Variants in RNASEK observed in about 807,000 individuals in gnomAD.
RNASEK encodes the protein ribonuclease kappa.
A neutral mutation model predicts 11.2 loss-of-function variants in RNASEK; 7 were observed. That is an observed-to-expected ratio of 0.62 (90% CI 0.35 to 1.17). RNASEK has a LOEUF of 1.17. Among genes scored for constraint, RNASEK ranks in the 50% most tolerant of loss-of-function variants. The probability of loss-of-function intolerance (pLI) is 0.02; values close to 1 mark genes in which losing one functional copy is unlikely to be tolerated. For synonymous variants in RNASEK, 46 were observed against 49.5 expected, an observed-to-expected ratio of 0.93 and a Z score of 0.30; for missense variants, 101 against 126.7, an observed-to-expected ratio of 0.80 and a Z score of 0.97.
At chr17:7,013,484 G>C in intron 1 of RNASEK, 182 bp from the exon 2 acceptor site, 1 of 1,555,758 alleles carries the variant, frequency 6.4e-7, no homozygotes, top group Non-Finnish European at 8.7e-7. Flanking sequence ...TCGACCACTT[G>C]TCTCAATGTC....
intron 1 of RNASEK, 115 bp from the exon 2 acceptor site, chr17:7,013,551 T>C: frequency 6.2e-7 from 1 of 1,608,684 alleles, no homozygotes; most frequent in Non-Finnish European, 8.5e-7. Flanking sequence ...CACCACCTCG[T>C]TTTGGTTAAT....
rs1909638733 is a variant in RNASEK, at chr17:7,014,138, C to A, written c.156-7C>A. The A allele has an allele frequency of 1.9e-6, 3 of 1,552,844 alleles. No homozygotes were observed. Among genetic ancestry groups the A allele is most frequent in the Non-Finnish European group, 2.6e-6 (3 of 1,147,536 alleles). On this transcript the variant is annotated splice_polypyrimidine_tract_variant and splice_region_variant and intron_variant, in intron 2 of 2. Transcript: ENST00000593646. The surrounding 1 kb of genome is among the most constrained non-coding windows in gnomAD (Gnocchi z 4.5). The stretch of plus-strand genomic sequence containing the variant: ...GTTTGACCCCTTTGCTTCATTCCCA[C>A]CCCCAGGAATGGCCCCCAGAACATA...
intron 1 of RNASEK, chr17:7,013,273 G>C: frequency 7.3e-7 from 1 of 1,379,120 alleles, no homozygotes; most frequent in Non-Finnish European, 9.7e-7. Context: ...GGGAGGAAAA[G>C]AGAGTGCTTG....
chr17:7,013,168 TG>T, intron 1 of RNASEK: 1 of 541,304 alleles, frequency 1.8e-6, no homozygotes, highest in South Asian at 2.3e-5. Context: ...GGCCCTGGAG[TG>T]GGAGGAGCCA....
At chr17:7,013,476 G>A (rs1308423669) in intron 1 of RNASEK, 190 bp from the exon 2 acceptor site, 1 of 1,548,808 alleles carries the variant, frequency 6.5e-7, no homozygotes, top group South Asian at 1.2e-5. Flanking sequence ...CCCTTGCCTC[G>A]ACCACTTGTC....
rs977357508 is a variant in RNASEK, at chr17:7,013,331, C to T, written c.79-335C>T. On this transcript the variant is annotated intron_variant, in intron 1 of 2. Coordinates refer to ENST00000593646, the MANE Select transcript of RNASEK (RefSeq NM_001004333.5). ...CTTGTTTTCCCAGTAATCCACCCAC[C>T]GCCACTTCAAGAAGAAATGATATGA... 1.1e-5 allele frequency: 17 copies of T among 1,521,084 alleles called. No homozygotes were observed. The Admixed American group carries it at 1.2e-4, about 11-fold the overall frequency. The allele number at this position is 1,521,084 out of a possible 1,614,324, so 94.2% of individuals were successfully genotyped here.
intron 1 of RNASEK, chr17:7,013,375 T>TCCCC: frequency 6.5e-7 from 1 of 1,533,928 alleles, no homozygotes; most frequent in Non-Finnish European, 8.7e-7. Flanking sequence ...CGGTTCTCCC[T>TCCCC]CCCCTCTTCC....
intron 1 of RNASEK, chr17:7,013,323 C>T (rs1909557915): frequency 2.6e-6 from 4 of 1,516,028 alleles, no homozygotes; most frequent in Non-Finnish European, 3.5e-6. Context: ...TCCCAGTAAT[C>T]CACCCACCGC....
Position 7,012,738 on chromosome 17 carries a change from A to G in RNASEK, c.55A>G (p.Ser19Gly), listed in dbSNP as rs755632158. ...PKLAACGIVLSAWGVIMLIML... is the reference protein window; with the variant it reads ...PKLAACGIVLGAWGVIMLIML... Reference sequence around the variant, plus strand: ...GCTGGCCGCCTGCGGCATCGTCCTCAGCGCCTGGGGAGTGATCATGTTGGT... The same window carrying G: ...GCTGGCCGCCTGCGGCATCGTCCTCGGCGCCTGGGGAGTGATCATGTTGGT... Residue 19 changes from serine (S) to glycine (G), a missense_variant, in exon 1 of 3, where the codon AGC becomes GGC. Transcript: ENST00000593646. The G allele has an allele frequency of 3.7e-6, 6 of 1,613,106 alleles. No homozygotes were observed. Among genetic ancestry groups the G allele is most frequent in the South Asian group, 2.2e-5 (2 of 91,090 alleles).
In RNASEK at chr17:7,012,645, A is replaced by G. The variant is rs771380776; in HGVS notation, c.-39A>G. 6.2e-7 allele frequency: 1 copy of G among 1,609,624 alleles called. No homozygotes were observed. The highest frequency in any genetic ancestry group is 8.5e-7 in the Non-Finnish European group (1 of 1,179,476). ...CTGGGCTTTCTCCCACCGCTTTCCG[A>G]GCCCGCTTGCACCTCGGCGATCCCC... is the stretch of plus-strand genomic sequence containing the variant. On this transcript the variant is annotated 5_prime_UTR_variant, in exon 1 of 3. Coordinates refer to ENST00000593646, the MANE Select transcript of RNASEK (RefSeq NM_001004333.5).
chr17:7,014,390 TG>T lies in RNASEK; in HGVS notation c.*107del, dbSNP rs1289889234. 1.6e-6 allele frequency: 2 copies of T among 1,223,312 alleles called. No homozygotes were observed. The highest frequency in any genetic ancestry group is 2.3e-6 in the Non-Finnish European group (2 of 866,446). The allele number at this position is 1,223,312 out of a possible 1,614,324, so 75.8% of individuals were successfully genotyped here. A position where few individuals can be genotyped will look rare whatever the true frequency, so the allele number is the denominator to read the frequency against. On this transcript the variant is annotated 3_prime_UTR_variant, in exon 3 of 3. Coordinates refer to ENST00000593646, the MANE Select transcript of RNASEK (RefSeq NM_001004333.5). This position sits in a 1 kb window ranked among gnomAD's most constrained non-coding sequence, Gnocchi z 4.5. ...CCCTTGCCGGCGCCCTCTGCGGGAC[TG>T]GGTTTCCCGGGCGAGAGACTGAATC...
At position 7,013,680 on chromosome 17, in the gene RNASEK, A is replaced by C; in HGVS notation, c.93A>C (p.Ile31=). The C allele has an allele frequency of 6.2e-7, 1 of 1,610,466 alleles. No homozygotes were observed. The highest frequency in any genetic ancestry group is 1.3e-5 in the African/African-American group (1 of 74,664). ...WGVIMLIMLG[I]FFNVHSAVLI... ...CCCTTTTCCAGATAATGCTCGGAAT[A>C]TTTTTCAATGTCCATTCCGCTGTGT... The change falls in exon 2 of 3, where the codon ATA becomes ATC. Residue 31 remains isoleucine, a synonymous_variant. Coordinates refer to ENST00000593646, the MANE Select transcript of RNASEK (RefSeq NM_001004333.5).
At chr17:7,012,950 C>A (rs1909517122) in intron 1 of RNASEK, 189 bp downstream of exon 1, 1 of 596,696 alleles carries the variant, frequency 1.7e-6, no homozygotes, top group Non-Finnish European at 2.9e-6. Context: ...CATGGTGAAA[C>A]CCCGTCTCCA....
Position 7,014,384 on chromosome 17 carries a change from C to T in RNASEK, c.*98C>T, listed in dbSNP as rs7338. On this transcript the variant is annotated 3_prime_UTR_variant, in exon 3 of 3. Coordinates refer to ENST00000593646, the MANE Select transcript of RNASEK (RefSeq NM_001004333.5). The surrounding 1 kb of genome is among the most constrained non-coding windows in gnomAD (Gnocchi z 4.5). ...GTCCCACCCTTGCCGGCGCCCTCTGCGGGACTGGGTTTCCCGGGCGAGAGA... is the reference window on the plus strand; with the variant it reads ...GTCCCACCCTTGCCGGCGCCCTCTGTGGGACTGGGTTTCCCGGGCGAGAGA... 0.84 allele frequency: 1,127,834 copies of T among 1,343,122 alleles called. 477,636 individuals carry two copies. Among genetic ancestry groups the T allele is most frequent in the South Asian group, 0.92 (72,624 of 78,790 alleles). 83.2% of individuals were successfully genotyped at this position (1,343,122 alleles called of 1,614,324 possible).
chr17:7,013,314 C>T (rs1367104972), intron 1 of RNASEK: 5 of 1,509,874 alleles, frequency 3.3e-6, no homozygotes, highest in Non-Finnish European at 4.4e-6. Flanking sequence ...GCCTTGTTTT[C>T]CCAGTAATCC....
intron 1 of RNASEK, 112 bp from the exon 2 acceptor site, chr17:7,013,554 T>C (rs966090330): frequency 1.2e-6 from 2 of 1,609,228 alleles, no homozygotes; most frequent in Non-Finnish European, 1.7e-6. Flanking sequence ...CACCTCGTTT[T>C]GGTTAATCTC....
chr17:7,013,959 T>C, intron 2 of RNASEK, 186 bp from the exon 3 acceptor site: 2 of 705,030 alleles, frequency 2.8e-6, no homozygotes, highest in South Asian at 3.6e-5. Context: ...TTAGGTATTT[T>C]ACTTTTCTGT....
intron 1 of RNASEK, 165 bp from the exon 2 acceptor site, chr17:7,013,501 T>A: frequency 6.4e-7 from 1 of 1,572,284 alleles, no homozygotes; most frequent in Non-Finnish European, 8.6e-7. Flanking sequence ...TGTCACCACC[T>A]CACGCCCTGT....
Position 7,013,693 on chromosome 17 carries a change from C to T in RNASEK, c.106C>T (p.His36Tyr). ...AATGCTCGGAATATTTTTCAATGTCCATTCCGCTGTGTTGATTGAGGACGT... is the reference window on the plus strand; with the variant it reads ...AATGCTCGGAATATTTTTCAATGTCTATTCCGCTGTGTTGATTGAGGACGT... ...LIMLGIFFNV[H>Y]SAVLIEDVPF... The change falls in exon 2 of 3, where the codon CAT (histidine) becomes TAT (tyrosine). Residue 36 changes from histidine (H) to tyrosine (Y), a missense_variant. Transcript: ENST00000593646. The T allele has an allele frequency of 1.2e-6, 2 of 1,609,138 alleles. No individual in the cohort carries two copies. The highest frequency in any genetic ancestry group is 1.7e-6 in the Non-Finnish European group (2 of 1,177,016).
Sources: allele counts gnomAD v4.1 joint callset, GRCh38; gene constraint gnomAD v4.1.1; non-coding constraint Gnocchi (gnomAD v3.1); transcripts MANE v1.5; gene names NCBI Gene and HGNC (gene_info 2026-07-23, HGNC 2026-07-21).